NCKAP1: variants seen among roughly 807,000 people sequenced by gnomAD.
The protein encoded by NCKAP1 is nck-associated protein 1.
Under a neutral mutation model 151.2 loss-of-function variants are expected in NCKAP1, and 21 were observed. That is an observed-to-expected ratio of 0.14 (90% confidence interval 0.10 to 0.20). The LOEUF is 0.20. Among genes scored for constraint, NCKAP1 ranks in the 10% least tolerant of loss-of-function variants. NCKAP1 has a pLI of 1.00. For synonymous variants in NCKAP1, 484 were observed against 451.8 expected, an observed-to-expected ratio of 1.07 and a Z score of -0.90; for missense variants, 933 against 1,352.1, an observed-to-expected ratio of 0.69 and a Z score of 4.86.
chr2:183,021,543 C>T (rs77541378), intron 2 of NCKAP1, among the ~76,000 whole-genome samples: 3 of 152,096 alleles, frequency 2.0e-5, no homozygotes, highest in Non-Finnish European at 4.4e-5. Flanking sequence ...TCTAGGAGTT[C>T]GGTGTTACAG....
chr2:182,974,544 A>G (rs1053843698), intron 15 of NCKAP1, among the ~76,000 whole-genome samples: 2 of 152,192 alleles, frequency 1.3e-5, no homozygotes, highest in African/African-American at 4.8e-5. Flanking sequence ...GCAAAGAGGA[A>G]AAATGAAGTG....
At chr2:183,008,059 T>C (rs1698514162) in intron 2 of NCKAP1, among the ~76,000 whole-genome samples, 1 of 152,128 alleles carries the variant, frequency 6.6e-6, no homozygotes, top group Non-Finnish European at 1.5e-5. Flanking sequence ...CCCGAGTAGC[T>C]GGGATTATAC....
intron 15 of NCKAP1, among the ~76,000 whole-genome samples, chr2:182,967,852 A>G (rs1697605831): frequency 6.6e-6 from 1 of 152,214 alleles, no homozygotes; most frequent in South Asian, 2.1e-4. Flanking sequence ...GATAGTAAAA[A>G]TTGGTGTAGT....
chr2:182,968,393 T>A (rs568851303), intron 15 of NCKAP1, among the ~76,000 whole-genome samples: 1 of 152,192 alleles, frequency 6.6e-6, no homozygotes, highest in Non-Finnish European at 1.5e-5. Context: ...ATTTTGGCTG[T>A]TGGGAGATAC....
In NCKAP1 at chr2:182,916,687, A is replaced by G. The variant is rs1299211572; in HGVS notation, c.*9015T>C. 4 of 152,246 alleles carry G rather than the reference A, an allele frequency of 2.6e-5. No homozygotes were observed. The highest frequency in any genetic ancestry group is 9.6e-5 in the African/African-American group (4 of 41,458). 9.4% of individuals were successfully genotyped at this position (152,246 alleles called of 1,614,324 possible). A position where few individuals can be genotyped will look rare whatever the true frequency, so the allele number is the denominator to read the frequency against. On this transcript the variant is annotated 3_prime_UTR_variant, in exon 31 of 31. Coordinates refer to ENST00000361354, the MANE Select transcript of NCKAP1 (RefSeq NM_013436.5). ...GGAACAGCATGTGGAAAAGCACAGA[A>G]GCTTCCAAGAGCAATTGTCGCAATT...
chr2:182,955,271 T>C (rs958616261), intron 20 of NCKAP1, among the ~76,000 whole-genome samples: 4 of 152,202 alleles, frequency 2.6e-5, no homozygotes, highest in African/African-American at 9.7e-5. Flanking sequence ...TTGTTAAGCA[T>C]ATAGTGCAAA....
At chr2:183,006,720 C>A (rs6434000) in intron 2 of NCKAP1, among the ~76,000 whole-genome samples, 49,745 of 151,950 alleles carry the variant, frequency 0.33, 11,416 homozygotes, top group African/African-American at 0.65. Context: ...TATCTAGAAC[C>A]AAGTTTTCTT....
chr2:182,962,114 C>A, intron 18 of NCKAP1, 45 bp downstream of exon 18: 1 of 1,541,064 alleles, frequency 6.5e-7, no homozygotes, highest in Non-Finnish European at 8.8e-7. Flanking sequence ...ATTTTCTTGC[C>A]TTCACACAAA....
At chr2:183,012,153 A>G (rs1326430755) in intron 2 of NCKAP1, among the ~76,000 whole-genome samples, 1 of 152,222 alleles carries the variant, frequency 6.6e-6, no homozygotes, top group Non-Finnish European at 1.5e-5. Context: ...TATTCCCTTC[A>G]AGACAAAGGT....
At position 182,928,103 on chromosome 2, in the gene NCKAP1, T is replaced by C; in HGVS notation, c.3180+14A>G. Reference sequence around the variant, plus strand: ...TATAAAATGTGATGAGTTTTGTTATTTGATTATACATACCGCCAGAAATTC... The same window carrying C: ...TATAAAATGTGATGAGTTTTGTTATCTGATTATACATACCGCCAGAAATTC... On this transcript the variant is annotated intron_variant, in intron 29 of 30. Transcript: ENST00000361354. 1.3e-6 allele frequency: 2 copies of C among 1,536,690 alleles called. No individual in the cohort carries two copies. The highest frequency in any genetic ancestry group is 1.4e-5 in the African/African-American group (1 of 72,520).
chr2:182,930,884 G>T, intron 26 of NCKAP1, 96 bp from the exon 27 acceptor site: 1 of 1,032,772 alleles, frequency 9.7e-7, no homozygotes, highest in Non-Finnish European at 1.4e-6. Context: ...GAACACCAGA[G>T]AATTTCGGAA....
intron 12 of NCKAP1, among the ~76,000 whole-genome samples, chr2:182,981,632 G>C (rs1241739159): frequency 1.3e-5 from 2 of 152,080 alleles, no homozygotes; most frequent in Non-Finnish European, 2.9e-5. Flanking sequence ...AGCAGGGCCG[G>C]GCACAGTGGC....
At chr2:182,964,051 G>C (rs185215836) in intron 17 of NCKAP1, among the ~76,000 whole-genome samples, 2 of 152,000 alleles carry the variant, frequency 1.3e-5, no homozygotes, top group Non-Finnish European at 2.9e-5. Flanking sequence ...TTATAATAAA[G>C]AAATACATTA....
intron 18 of NCKAP1, among the ~76,000 whole-genome samples, chr2:182,959,845 T>C (rs1472779884): frequency 6.6e-6 from 1 of 152,152 alleles, no homozygotes; most frequent in African/African-American, 2.4e-5. Flanking sequence ...AACCCCATTG[T>C]CTCAGCCCAA....
intron 20 of NCKAP1, 39 bp from the exon 21 acceptor site, chr2:182,953,370 C>A (rs535100274): frequency 7.0e-7 from 1 of 1,434,258 alleles, no homozygotes; most frequent in African/African-American, 1.4e-5. Flanking sequence ...AAGCCTCTGA[C>A]TTTTCCATTC....
chr2:182,950,366 G>A (rs1225930063), intron 23 of NCKAP1, among the ~76,000 whole-genome samples: 1 of 152,154 alleles, frequency 6.6e-6, no homozygotes, highest in African/African-American at 2.4e-5. Context: ...AAAAATAGCT[G>A]GCTAAAGTAA....
At chr2:183,022,276 AAAG>A (rs1698810632) in intron 2 of NCKAP1, among the ~76,000 whole-genome samples, 1 of 152,224 alleles carries the variant, frequency 6.6e-6, no homozygotes, top group Admixed American at 6.5e-5. Flanking sequence ...GCTGTAAGAA[AAAG>A]AAGTGTATAT....
At chr2:183,015,554 TTATAAC>T (rs1464751406) in intron 2 of NCKAP1, among the ~76,000 whole-genome samples, 1 of 151,882 alleles carries the variant, frequency 6.6e-6, no homozygotes, top group Non-Finnish European at 1.5e-5. Flanking sequence ...GTAAAAAGGC[TTATAAC>T]TATAATTTCA....
Position 182,942,113 on chromosome 2 carries a change from A to G in NCKAP1, c.2652T>C (p.Phe884=), listed in dbSNP as rs774554149. 7 of 1,613,426 alleles carry G rather than the reference A, an allele frequency of 4.3e-6. No individual in the cohort carries two copies. The highest frequency in any genetic ancestry group is 4.2e-6 in the Non-Finnish European group (5 of 1,179,640). ...GTGCAGCCATCTGGTCTGGTTTGTC[A>G]AAGCTGGTCCTCATTTGTGTTAACA... ...VDVLTQMRTS[F]DKPDQMAALF... is the part of the protein sequence containing the mutation. The change falls in exon 24 of 31, where the codon TTT becomes TTC. Residue 884 remains phenylalanine (F), a synonymous_variant. Transcript: ENST00000361354.
Sources: allele counts gnomAD v4.1 joint callset (sites outside exome capture counted in the v4.1 genomes callset), GRCh38; gene constraint gnomAD v4.1.1; transcripts MANE v1.5; gene names NCBI Gene and HGNC (gene_info 2026-07-23, HGNC 2026-07-21).